The following RNF13 variants were observed in gnomAD, a reference collection of about 807,000 sequenced individuals.
The protein encoded by RNF13 is E3 ubiquitin-protein ligase RNF13.
Under a neutral mutation model 37.7 loss-of-function variants are expected in RNF13, and 19 were observed. The ratio of observed to expected loss-of-function variants is 0.50; its 90% CI spans 0.35 to 0.74. The LOEUF (loss-of-function observed/expected upper bound fraction) is 0.74, where lower values mean the gene tolerates loss of function less well. Among genes scored for constraint, RNF13 ranks in the 30% least tolerant of loss-of-function variants. The probability of loss-of-function intolerance (pLI) is 0.01; values close to 1 mark genes in which losing one functional copy is unlikely to be tolerated. For synonymous variants in RNF13, 144 were observed against 157.8 expected (o/e 0.91, Z 0.65); for missense variants, 375 against 453.0 (o/e 0.83, Z 1.56).
chr3:149,947,213 G>A (rs145076967), intron 8 of RNF13, among the ~76,000 whole-genome samples: 17 of 152,126 alleles, frequency 1.1e-4, no homozygotes, highest in Admixed American at 4.6e-4. Context: ...TTACATGTGC[G>A]TTTGAGAATG....
At chr3:149,913,029 CTTCT>C (rs1214879675) in intron 7 of RNF13, among the ~76,000 whole-genome samples, 1 of 152,098 alleles carries the variant, frequency 6.6e-6, no homozygotes, top group Non-Finnish European at 1.5e-5. Context: ...TTCTTGCCAA[CTTCT>C]TTGTCATAAA....
chr3:149,812,830 G>A (rs1300810435), upstream of RNF13: 2 of 152,564 alleles, frequency 1.3e-5, no homozygotes, highest in Non-Finnish European at 2.9e-5. Flanking sequence ...AGCCGGAGCA[G>A]ATCAGACCGA....
intron 8 of RNF13, among the ~76,000 whole-genome samples, chr3:149,944,967 A>G (rs1160275350): frequency 1.3e-5 from 2 of 152,182 alleles, no homozygotes; most frequent in Non-Finnish European, 1.5e-5. Context: ...TCTTTAATCC[A>G]TCTTGAATTA....
chr3:149,850,735 T>G (rs1379326490), intron 2 of RNF13, among the ~76,000 whole-genome samples: 7 of 152,220 alleles, frequency 4.6e-5, no homozygotes, highest in Admixed American at 4.6e-4. Flanking sequence ...AGTTACTTTA[T>G]TTTACAGTGA....
In RNF13 at chr3:149,850,105, A is replaced by G. The variant is rs374966311; in HGVS notation, c.115-2411A>G. On this transcript the variant is annotated intron_variant, in intron 2 of 9. Transcript: ENST00000392894. ...AGCGACTCTCCTGCCTCAGCCTTGC[A>G]AGTAGCTGGGATTACAGGCATTTGA... Among the ~76,000 whole-genome samples, 45 of 151,864 alleles carry G rather than the reference A, an allele frequency of 3.0e-4. No individual in the cohort carries two copies. In the South Asian group the frequency reaches 7.9e-3, roughly 27 times the overall value.
chr3:149,847,722 G>T (rs1293866245), intron 2 of RNF13, among the ~76,000 whole-genome samples: 1 of 152,062 alleles, frequency 6.6e-6, no homozygotes, highest in African/African-American at 2.4e-5. Flanking sequence ...AATATTCTTG[G>T]CATGACTTTT....
At chr3:149,955,756 G>C (rs576930260) in intron 8 of RNF13, among the ~76,000 whole-genome samples, 1 of 152,210 alleles carries the variant, frequency 6.6e-6, no homozygotes, top group African/African-American at 2.4e-5. Flanking sequence ...ATTTAACCCT[G>C]AATCTTCAAT....
intron 1 of RNF13, among the ~76,000 whole-genome samples, chr3:149,818,765 G>C (rs1046099891): frequency 2.6e-5 from 4 of 152,054 alleles, no homozygotes; most frequent in Non-Finnish European, 5.9e-5. Context: ...ACAGAAATTA[G>C]CCAGATGTGG....
At chr3:149,957,975 G>A (rs562483368) in intron 8 of RNF13, among the ~76,000 whole-genome samples, 12 of 152,146 alleles carry the variant, frequency 7.9e-5, no homozygotes, top group Non-Finnish European at 1.8e-4. Context: ...ATCACAAACT[G>A]TACCTTGGAA....
intron 6 of RNF13, among the ~76,000 whole-genome samples, chr3:149,904,723 G>T (rs1463855716): frequency 1.3e-5 from 2 of 152,000 alleles, no homozygotes; most frequent in Non-Finnish European, 2.9e-5. Flanking sequence ...CAGATTCTAA[G>T]TATCATCCAT....
intron 2 of RNF13, among the ~76,000 whole-genome samples, chr3:149,850,182 G>T (rs1049484993): frequency 6.6e-6 from 1 of 152,124 alleles, no homozygotes; most frequent in African/African-American, 2.4e-5. Context: ...GTTTCAACAT[G>T]TTGGCCTGGC....
intron 6 of RNF13, among the ~76,000 whole-genome samples, chr3:149,906,359 G>A (rs1716398245): frequency 6.6e-6 from 1 of 151,936 alleles, no homozygotes; most frequent in African/African-American, 2.4e-5. Flanking sequence ...TACCTAGAAT[G>A]GAATTGTTGC....
intron 8 of RNF13, among the ~76,000 whole-genome samples, chr3:149,949,111 A>G (rs1721059587): frequency 6.6e-6 from 1 of 151,724 alleles, no homozygotes; most frequent in Non-Finnish European, 1.5e-5. Context: ...ATTTGTCTAT[A>G]TATTTAACTT....
chr3:149,874,263 T>C (rs956511211), intron 4 of RNF13, among the ~76,000 whole-genome samples: 2 of 152,192 alleles, frequency 1.3e-5, no homozygotes, highest in Admixed American at 6.5e-5. Flanking sequence ...GTCAGAGTTG[T>C]ATAAATTTCT....
At chr3:149,848,462 TG>T (rs1722845648) in intron 2 of RNF13, among the ~76,000 whole-genome samples, 2 of 152,186 alleles carry the variant, frequency 1.3e-5, no homozygotes, top group South Asian at 4.1e-4. Flanking sequence ...AGGAACTGGA[TG>T]TGTGACAATC....
At chr3:149,881,670 G>C (rs899638389) in intron 4 of RNF13, among the ~76,000 whole-genome samples, 2 of 152,122 alleles carry the variant, frequency 1.3e-5, no homozygotes, top group Admixed American at 1.3e-4. Flanking sequence ...AAGCGTTTTG[G>C]CTTCTGTTTT....
At chr3:149,887,957 G>A (rs1423940804) in intron 4 of RNF13, among the ~76,000 whole-genome samples, 5 of 152,036 alleles carry the variant, frequency 3.3e-5, no homozygotes, top group Non-Finnish European at 5.9e-5. Context: ...AAGTTGATTG[G>A]GAGCAAAAAG....
Position 149,895,558 on chromosome 3 carries a change from A to T in RNF13, c.407A>T (p.Asp136Val), listed in dbSNP as rs1173154286. Residue 136 changes from aspartate (D) to valine (V), a missense_variant and splice_region_variant, in exon 5 of 10, where the codon GAC becomes GTC. By Grantham distance (152) the Asp-to-Val change is radical. Coordinates refer to ENST00000392894, the MANE Select transcript of RNF13 (RefSeq NM_183381.3). Reference protein sequence around the residue: ...SDDLISMGSNDIEVLKKIDIP... With the variant: ...SDDLISMGSNVIEVLKKIDIP... ...GACCTCATTAGCATGGGATCCAACG[A>T]CAGTAAGTACAGGTATCACTTTTCT... 2 of 1,570,534 alleles carry T rather than the reference A, an allele frequency of 1.3e-6. No individual in the cohort carries two copies. The highest frequency in any genetic ancestry group is 1.7e-6 in the Non-Finnish European group (2 of 1,143,352).
intron 7 of RNF13, among the ~76,000 whole-genome samples, chr3:149,913,185 CAGTT>C (rs1717164557): frequency 6.6e-6 from 1 of 152,070 alleles, no homozygotes; most frequent in South Asian, 2.1e-4. Context: ...GCCTTTCCAT[CAGTT>C]AAATAATTTT....
Sources: allele counts gnomAD v4.1 joint callset (sites outside exome capture counted in the v4.1 genomes callset), GRCh38; gene constraint gnomAD v4.1.1; transcripts MANE v1.5; gene names NCBI Gene and HGNC (gene_info 2026-07-23, HGNC 2026-07-21).